MAST2: variants seen among roughly 807,000 people sequenced by gnomAD.
MAST2 encodes the protein microtubule associated serine/threonine kinase 2.
Under a neutral mutation model 147.4 loss-of-function variants are expected in MAST2, and 70 were observed. The observed-to-expected ratio is 0.47, with a 90% confidence interval of 0.39 to 0.58. The LOEUF is 0.58. Among genes scored for constraint, MAST2 ranks in the 20% least tolerant of loss-of-function variants. The pLI, the probability that MAST2 is intolerant of heterozygous loss-of-function variation, is 0.00. For synonymous variants in MAST2, 869 were observed against 896.8 expected (o/e 0.97, Z 0.55); for missense variants, 2,080 against 2,302.3 (o/e 0.90, Z 1.98).
At chr1:45,831,331 A>G (rs1644950670) in intron 3 of MAST2, among the ~76,000 whole-genome samples, 1 of 152,160 alleles carries the variant, frequency 6.6e-6, no homozygotes. Flanking sequence ...TTGGGTCAAC[A>G]TATGTGGAGT....
intron 6 of MAST2, among the ~76,000 whole-genome samples, chr1:45,998,731 T>C (rs1413627615): frequency 7.0e-6 from 1 of 142,408 alleles, no homozygotes; most frequent in Non-Finnish European, 1.6e-5. Flanking sequence ...CTTAGACTAC[T>C]TTTTTTTTTT....
At chr1:45,991,440 T>A (rs892189302) in intron 5 of MAST2, among the ~76,000 whole-genome samples, 1 of 152,212 alleles carries the variant, frequency 6.6e-6, no homozygotes, top group African/African-American at 2.4e-5. Context: ...GGATTTTGAT[T>A]GGGATTGCAT....
At chr1:45,970,747 TGGGGGCAG>T in intron 5 of MAST2, among the ~76,000 whole-genome samples, 1 of 148,624 alleles carries the variant, frequency 6.7e-6, no homozygotes. Context: ...TGTCCAGTTT[TGGGGGCAG>T]TGGTTCATCC....
intron 4 of MAST2, among the ~76,000 whole-genome samples, chr1:45,886,284 G>T: frequency 7.1e-6 from 1 of 140,206 alleles, no homozygotes; most frequent in African/African-American, 2.7e-5. Context: ...TTTATATATT[G>T]TATACATATT....
At chr1:45,902,667 A>G (rs1649983583) in intron 4 of MAST2, among the ~76,000 whole-genome samples, 1 of 150,738 alleles carries the variant, frequency 6.6e-6, no homozygotes, top group Admixed American at 6.6e-5. Context: ...ATAGCTCATT[A>G]TTGGTCTGTT....
intron 4 of MAST2, among the ~76,000 whole-genome samples, chr1:45,930,637 G>A (rs1655145839): frequency 6.6e-6 from 1 of 152,058 alleles, no homozygotes; most frequent in African/African-American, 2.4e-5. Flanking sequence ...CCCCTATTCA[G>A]TCATTCCCAG....
chr1:45,866,830 C>T (rs1646172627), intron 3 of MAST2, among the ~76,000 whole-genome samples: 1 of 152,012 alleles, frequency 6.6e-6, no homozygotes, highest in Non-Finnish European at 1.5e-5. Context: ...GCAACCTCTG[C>T]CTCCCAGGTT....
intron 4 of MAST2, among the ~76,000 whole-genome samples, chr1:45,936,840 G>GC (rs1025476767): frequency 6.6e-6 from 1 of 152,062 alleles, no homozygotes; most frequent in Non-Finnish European, 1.5e-5. Flanking sequence ...GGATTCTAAA[G>GC]CCCCCTAAGT....
chr1:46,029,729 C>A, intron 19 of MAST2, 102 bp from the exon 20 acceptor site: 1 of 1,459,220 alleles, frequency 6.9e-7, no homozygotes. Context: ...TGAGCTGATC[C>A]CCTAGGTATA....
At chr1:45,804,312 G>A (rs1041572444) in intron 1 of MAST2, among the ~76,000 whole-genome samples, 8 of 152,080 alleles carry the variant, frequency 5.3e-5, no homozygotes, top group Non-Finnish European at 1.2e-4. Context: ...ATAGTCAGGG[G>A]TTCTGGATGG....
intron 5 of MAST2, among the ~76,000 whole-genome samples, chr1:45,994,274 C>CTTTTTTTTTTTTTTTTTTTT (rs869216588): frequency 4.8e-5 from 3 of 61,992 alleles, no homozygotes; most frequent in Non-Finnish European, 5.5e-5. Flanking sequence ...CCCTAACCCT[C>CTTTTTTTTTTTTTTTTTTTT]TTTTTTTTTT....
intron 7 of MAST2, among the ~76,000 whole-genome samples, chr1:46,003,373 G>A (rs1312855354): frequency 2.6e-5 from 4 of 152,248 alleles, no homozygotes; most frequent in Admixed American, 2.0e-4. Context: ...AGCTGGACCT[G>A]TCTCTAAAAC....
chr1:46,012,959 G>C (rs1645776422), intron 10 of MAST2, among the ~76,000 whole-genome samples: 1 of 152,036 alleles, frequency 6.6e-6, no homozygotes, highest in Non-Finnish European at 1.5e-5. Flanking sequence ...CCAGCTGGCA[G>C]ATGAATTTGA....
intron 1 of MAST2, among the ~76,000 whole-genome samples, chr1:45,805,089 G>A (rs369270597): frequency 7.1e-6 from 1 of 140,816 alleles, no homozygotes; most frequent in East Asian, 2.0e-4. Flanking sequence ...TCGCTCTGTC[G>A]CCCAGGGGAG....
chr1:45,838,531 T>A (rs931300058), intron 3 of MAST2, among the ~76,000 whole-genome samples: 11 of 152,140 alleles, frequency 7.2e-5, no homozygotes, highest in Non-Finnish European at 1.6e-4. Context: ...TCAGCTATTT[T>A]TATATATATA....
At chr1:45,964,468 T>C (rs1307549675) in intron 5 of MAST2, among the ~76,000 whole-genome samples, 1 of 152,238 alleles carries the variant, frequency 6.6e-6, no homozygotes, top group Non-Finnish European at 1.5e-5. Flanking sequence ...TCGAGGAATT[T>C]ATCCATTTCT....
At chr1:45,987,489 C>A (rs1291690513) in intron 5 of MAST2, among the ~76,000 whole-genome samples, 4 of 151,958 alleles carry the variant, frequency 2.6e-5, no homozygotes, top group Non-Finnish European at 4.4e-5. Context: ...TTTTTAAATT[C>A]TTTGTAGAGA....
intron 1 of MAST2, among the ~76,000 whole-genome samples, chr1:45,823,889 GT>G (rs1353288903): frequency 6.6e-6 from 1 of 152,026 alleles, no homozygotes; most frequent in Non-Finnish European, 1.5e-5. Flanking sequence ...GAATGGGAAG[GT>G]TCTGTCAATG....
chr1:45,962,344 A>C (rs1263742115), intron 5 of MAST2, among the ~76,000 whole-genome samples: 44 of 152,130 alleles, frequency 2.9e-4, no homozygotes, highest in African/African-American at 9.9e-4. Flanking sequence ...AGGAATCGCC[A>C]CACTGACTTC....
Sources: allele counts gnomAD v4.1 joint callset (sites outside exome capture counted in the v4.1 genomes callset), GRCh38; gene constraint gnomAD v4.1.1; transcripts MANE v1.5; gene names NCBI Gene and HGNC (gene_info 2026-07-23, HGNC 2026-07-21).